The following MTUS2 variants were observed in gnomAD, a reference collection of about 807,000 sequenced individuals.
The protein encoded by MTUS2 is microtubule-associated tumor suppressor candidate 2.
MTUS2 carries 40 observed loss-of-function variants against 114.1 expected under a neutral mutation model. That is an observed-to-expected ratio of 0.35 (90% CI 0.27 to 0.46). The LOEUF (loss-of-function observed/expected upper bound fraction) is 0.46. Among genes scored for constraint, MTUS2 ranks in the 20% least tolerant of loss-of-function variants. MTUS2 has a pLI of 1.00. For missense variants in MTUS2, 1,679 were observed against 1,705.4 expected, an observed-to-expected ratio of 0.98 and a Z score of 0.27; for synonymous variants, 688 against 672.0, an observed-to-expected ratio of 1.02 and a Z score of -0.37.
chr13:29,348,055 A>T (rs2138160452), intron 7 of MTUS2, among the ~76,000 whole-genome samples: 1 of 151,514 alleles, frequency 6.6e-6, no homozygotes, highest in East Asian at 2.0e-4. Context: ...TGAATCCTAT[A>T]CTTTAGGGAT....
At chr13:28,899,859 T>C (rs974129798) in intron 2 of MTUS2, among the ~76,000 whole-genome samples, 2 of 152,130 alleles carry the variant, frequency 1.3e-5, no homozygotes, top group Non-Finnish European at 2.9e-5. Context: ...TGTTCTTTGC[T>C]CAATTAAACT....
At chr13:28,992,449 A>T (rs1884904241) in intron 2 of MTUS2, among the ~76,000 whole-genome samples, 1 of 152,208 alleles carries the variant, frequency 6.6e-6, no homozygotes, top group South Asian at 2.1e-4. Flanking sequence ...AGCCTTTTCC[A>T]GCTGGTGGGG....
intron 15 of MTUS2, 76 bp from the exon 16 acceptor site, chr13:29,502,917 C>A: frequency 6.9e-7 from 1 of 1,459,320 alleles, no homozygotes; most frequent in East Asian, 2.3e-5. Flanking sequence ...CTCCCTTTGC[C>A]CTGCACCATT....
At chr13:29,221,301 G>A (rs954955408) in intron 5 of MTUS2, among the ~76,000 whole-genome samples, 8 of 152,212 alleles carry the variant, frequency 5.3e-5, no homozygotes, top group South Asian at 2.1e-4. Flanking sequence ...ATGTTAAAAG[G>A]CAATGGCCAA....
At position 29,495,304 on chromosome 13, in the gene MTUS2, G is replaced by T. The variant is rs1882470459; in HGVS notation, c.3580-1934G>T. Among the ~76,000 whole-genome samples the T allele has an allele frequency of 4.9e-5, 7 of 142,560 alleles. No individual in the cohort carries two copies. In the South Asian group the frequency reaches 1.6e-3, roughly 33 times the overall value. The allele number at this position is 142,560 out of a possible 152,430, so 93.5% of individuals were successfully genotyped here. ...ACCCGGCAGGCTTAGGTTGCAGTGA[G>T]CTGAGATCATGCCACTGCACTCCAA... On this transcript the variant is annotated intron_variant, in intron 12 of 15. Coordinates refer to ENST00000612955, the MANE Select transcript of MTUS2 (RefSeq NM_001033602.4).
chr13:29,426,472 G>A (rs554801090), intron 8 of MTUS2, among the ~76,000 whole-genome samples: 1 of 152,194 alleles, frequency 6.6e-6, no homozygotes, highest in Non-Finnish European at 1.5e-5. Context: ...ATTGTAGTGC[G>A]AATCCAGAAT....
At chr13:28,920,591 C>A (rs144988106) in intron 2 of MTUS2, among the ~76,000 whole-genome samples, 12 of 152,300 alleles carry the variant, frequency 7.9e-5, no homozygotes, top group Non-Finnish European at 1.3e-4. Flanking sequence ...TCCTATAGCT[C>A]TGTGATCAGC....
chr13:29,483,324 CT>C (rs1881342617), intron 10 of MTUS2, among the ~76,000 whole-genome samples: 3 of 152,224 alleles, frequency 2.0e-5, no homozygotes, highest in Admixed American at 6.5e-5. Flanking sequence ...GCAGGCTGAC[CT>C]CCGGCTTTGC....
At chr13:29,152,197 T>C (rs1204971547) in intron 5 of MTUS2, among the ~76,000 whole-genome samples, 1 of 152,138 alleles carries the variant, frequency 6.6e-6, no homozygotes, top group Non-Finnish European at 1.5e-5. Flanking sequence ...ATTTTCCTTT[T>C]AAAATAGTAC....
intron 2 of MTUS2, among the ~76,000 whole-genome samples, chr13:28,925,719 A>G (rs929718274): frequency 2.0e-5 from 3 of 152,192 alleles, no homozygotes; most frequent in East Asian, 1.9e-4. Flanking sequence ...AATTCCTTAT[A>G]TACTCACTGG....
At chr13:29,488,045 G>C (rs752845978) in intron 11 of MTUS2, 40 bp downstream of exon 11, 2 of 1,500,988 alleles carry the variant, frequency 1.3e-6, no homozygotes, top group African/African-American at 1.4e-5. Flanking sequence ...GGGGTGGGTG[G>C]TGCAATCCGA....
intron 5 of MTUS2, among the ~76,000 whole-genome samples, chr13:29,193,289 G>A (rs1421044162): frequency 6.6e-6 from 1 of 152,030 alleles, no homozygotes; most frequent in African/African-American, 2.4e-5. Context: ...AGTAAATATA[G>A]AACACACCAT....
intron 5 of MTUS2, among the ~76,000 whole-genome samples, chr13:29,171,925 G>A (rs1270139115): frequency 6.6e-6 from 1 of 152,124 alleles, no homozygotes; most frequent in African/African-American, 2.4e-5. Flanking sequence ...TTCTACTTAC[G>A]TCTCCTGAGT....
At chr13:28,947,546 C>CAA (rs149653177) in intron 2 of MTUS2, among the ~76,000 whole-genome samples, 11 of 149,026 alleles carry the variant, frequency 7.4e-5, no homozygotes, top group African/African-American at 2.5e-4. Context: ...TCGGCTTTTG[C>CAA]AAAAAAAAAT....
intron 5 of MTUS2, among the ~76,000 whole-genome samples, chr13:29,140,031 T>C (rs1328174847): frequency 6.6e-6 from 1 of 152,186 alleles, no homozygotes; most frequent in Admixed American, 6.5e-5. Flanking sequence ...CGTTGAGAAT[T>C]TTCTTCTTTC....
intron 8 of MTUS2, among the ~76,000 whole-genome samples, chr13:29,427,588 G>A (rs548175409): frequency 1.4e-4 from 22 of 152,256 alleles, no homozygotes; most frequent in African/African-American, 2.9e-4. Flanking sequence ...AAAGGTTTCC[G>A]TTTATTCTTT....
chr13:29,033,773 C>T, intron 3 of MTUS2, 112 bp from the exon 4 acceptor site: 1 of 1,310,958 alleles, frequency 7.6e-7, no homozygotes, highest in Non-Finnish European at 1.1e-6. Flanking sequence ...TGTGATCAAG[C>T]AGCTAAGTGG....
At chr13:29,434,581 G>C (rs747472044) in intron 8 of MTUS2, among the ~76,000 whole-genome samples, 11 of 152,202 alleles carry the variant, frequency 7.2e-5, no homozygotes, top group Non-Finnish European at 1.3e-4. Flanking sequence ...CCAGCGTTCA[G>C]TTTTAGTAGT....
At chr13:29,458,691 C>G (rs901195209) in intron 9 of MTUS2, among the ~76,000 whole-genome samples, 3 of 152,166 alleles carry the variant, frequency 2.0e-5, no homozygotes, top group African/African-American at 7.2e-5. Context: ...CAGGACAACT[C>G]TCCATAGTCA....
Sources: gnomAD v4.1 joint callset for allele counts (sites outside exome capture counted in the v4.1 genomes callset) on GRCh38, gnomAD v4.1.1 for gene constraint, MANE v1.5 for transcripts, NCBI Gene and HGNC (gene_info 2026-07-23, HGNC 2026-07-21) for gene names.